The following PHIP variants were observed in gnomAD, a reference collection of about 807,000 sequenced individuals.
PHIP encodes PH-interacting protein.
In PHIP, 54 loss-of-function variants were observed where a neutral mutation model predicts 236.8. The observed-to-expected ratio is 0.23, with a 90% CI of 0.18 to 0.29. The LOEUF (loss-of-function observed/expected upper bound fraction) is 0.29, where lower values mean the gene tolerates loss of function less well. Among genes scored for constraint, PHIP ranks in the 10% least tolerant of loss-of-function variants. PHIP has a pLI of 1.00. For synonymous variants in PHIP, 756 were observed against 718.9 expected (o/e 1.05, Z -0.83); for missense variants, 1,370 against 2,190.8 (o/e 0.63, Z 7.48).
intron 24 of PHIP, among the ~76,000 whole-genome samples, chr6:78,974,696 C>T (rs1357015470): frequency 1.3e-5 from 2 of 151,978 alleles, no homozygotes; most frequent in African/African-American, 4.8e-5. Context: ...GGGATATCAC[C>T]ACCGATCCCA....
intron 8 of PHIP, 100 bp from the exon 9 acceptor site, chr6:79,025,719 G>A (rs1036790157): frequency 1.9e-5 from 15 of 805,026 alleles, no homozygotes; most frequent in Non-Finnish European, 2.9e-5. Context: ...ACAACAGTTA[G>A]AAAATGGCAA....
At chr6:79,016,151 C>T (rs988063054) in intron 13 of PHIP, among the ~76,000 whole-genome samples, 2 of 151,892 alleles carry the variant, frequency 1.3e-5, no homozygotes, top group African/African-American at 4.8e-5. Flanking sequence ...CACACAAATA[C>T]AAGTGGAGAA....
In PHIP at chr6:79,063,149, A is replaced by G. The variant is rs187966974; in HGVS notation, c.190-2331T>C. ...GTTCATAAGACTCATGCACTATACT[A>G]AAATTGCCAGTTTACTTGTCTGTGT... On this transcript the variant is annotated intron_variant, in intron 4 of 39. Coordinates refer to ENST00000275034, the MANE Select transcript of PHIP (RefSeq NM_017934.7). Among the ~76,000 whole-genome samples, 724 of 152,286 alleles carry G rather than the reference A, an allele frequency of 4.8e-3. 15 individuals are homozygous for G. Among genetic ancestry groups the G allele is most frequent in the Non-Finnish European group, 9.6e-4 (65 of 68,030 alleles).
chr6:79,014,595 T>C (rs1484332960), intron 15 of PHIP, among the ~76,000 whole-genome samples: 1 of 151,676 alleles, frequency 6.6e-6, no homozygotes, highest in Non-Finnish European at 1.5e-5. Context: ...AGAAACAAAA[T>C]GTGAAGAGAA....
intron 9 of PHIP, among the ~76,000 whole-genome samples, chr6:79,022,416 T>A (rs1771164190): frequency 6.6e-6 from 1 of 152,170 alleles, no homozygotes; most frequent in African/African-American, 2.4e-5. Context: ...GTTTCTGACA[T>A]TATACCTCTA....
rs901626060 is a variant in PHIP at position 78,958,657 on chromosome 6, A to G, written c.3657-57T>C. On this transcript the variant is annotated intron_variant, in intron 31 of 39. Transcript: ENST00000275034. ...TCCTTATATTTAGAAATATGTGTACATCATTTAAAACCAAGACATTCCAAC... is the reference window on the plus strand; with the variant it reads ...TCCTTATATTTAGAAATATGTGTACGTCATTTAAAACCAAGACATTCCAAC... The G allele has an allele frequency of 1.1e-5, 12 of 1,047,610 alleles. No individual in the cohort carries two copies. The African/African-American group carries it at 1.4e-4, about 13-fold the overall frequency. 64.9% of individuals were successfully genotyped at this position (1,047,610 alleles called of 1,614,324 possible).
chr6:79,056,687 T>G (rs944757328), intron 6 of PHIP, among the ~76,000 whole-genome samples: 22 of 152,132 alleles, frequency 1.4e-4, no homozygotes, highest in Admixed American at 1.4e-3. Context: ...AGGAATTATC[T>G]GGCCCAAAAT....
At chr6:78,942,962 C>T (rs566766430) in intron 39 of PHIP, among the ~76,000 whole-genome samples, 2 of 152,008 alleles carry the variant, frequency 1.3e-5, no homozygotes, top group African/African-American at 2.4e-5. Context: ...GTTTAAAAAC[C>T]ACTGATATTG....
Position 79,073,178 on chromosome 6 carries a change from A to AT in PHIP, c.189+4269_189+4270insA, listed in dbSNP as rs553449902. ...AATATAGTAAGTATTGCATTTAAAA[A>AT]GTTTGTAAATGCCTCAAATTTTAAA... On this transcript the variant is annotated intron_variant, in intron 4 of 39. Transcript: ENST00000275034. 6.4e-4 allele frequency among the ~76,000 whole-genome samples: 97 copies of AT among 152,346 alleles called. 1 individual carries two copies. In the South Asian group the frequency reaches 8.1e-3, roughly 13 times the overall value.
chr6:79,053,647 CG>C (rs1375618854), intron 6 of PHIP, among the ~76,000 whole-genome samples: 7 of 152,074 alleles, frequency 4.6e-5, no homozygotes, highest in African/African-American at 1.7e-4. Flanking sequence ...ACACTGAATA[CG>C]TAACTTTAAA....
rs1772348254 is a variant in PHIP at position 79,043,950 on chromosome 6, T to C, written c.440-947A>G. 2.0e-5 allele frequency among the ~76,000 whole-genome samples: 3 copies of C among 151,834 alleles called. No homozygotes were observed. In the South Asian group the frequency reaches 6.2e-4, roughly 32 times the overall value. On this transcript the variant is annotated intron_variant, in intron 6 of 39. Transcript: ENST00000275034. Reference sequence around the variant, plus strand: ...TATACAAAATACTACTTAGCCAAGGTACAGAGCCCAGTAATTATGCCCTAA... The same window carrying C: ...TATACAAAATACTACTTAGCCAAGGCACAGAGCCCAGTAATTATGCCCTAA...
intron 7 of PHIP, among the ~76,000 whole-genome samples, chr6:79,036,458 T>C (rs1011265349): frequency 6.6e-6 from 1 of 152,200 alleles, no homozygotes; most frequent in Non-Finnish European, 1.5e-5. Flanking sequence ...CTATTGCTTC[T>C]AAACAACCTC....
chr6:79,047,618 T>C (rs1443553684), intron 6 of PHIP, among the ~76,000 whole-genome samples: 4 of 152,132 alleles, frequency 2.6e-5, no homozygotes, highest in African/African-American at 9.7e-5. Flanking sequence ...AAACTTTAAT[T>C]TCTCCAGTTA....
chr6:79,014,586 G>C (rs896747133), intron 15 of PHIP, among the ~76,000 whole-genome samples: 1 of 151,560 alleles, frequency 6.6e-6, no homozygotes, highest in Non-Finnish European at 1.5e-5. Flanking sequence ...TAACATCTAA[G>C]AAACAAAATG....
At chr6:79,047,336 T>G (rs1008406474) in intron 6 of PHIP, among the ~76,000 whole-genome samples, 5 of 152,212 alleles carry the variant, frequency 3.3e-5, no homozygotes, top group African/African-American at 9.6e-5. Context: ...CATAAGTCAC[T>G]TCTTACTTCA....
chr6:78,999,991 T>A (rs916782272), intron 17 of PHIP, among the ~76,000 whole-genome samples: 2 of 151,990 alleles, frequency 1.3e-5, no homozygotes, highest in African/African-American at 2.4e-5. Context: ...AAAAACACAT[T>A]TAAAGTATGT....
At position 78,939,349 on chromosome 6, in the gene PHIP, G is replaced by C. The variant is rs1773383731; in HGVS notation, c.*1344C>G. 1.3e-5 allele frequency: 2 copies of C among 151,628 alleles called. No homozygotes were observed. The highest frequency in any genetic ancestry group is 4.1e-4 in the South Asian group (2 of 4,824). 9.4% of individuals were successfully genotyped at this position (151,628 alleles called of 1,614,324 possible). A position where few individuals can be genotyped will look rare whatever the true frequency, so the allele number is the denominator to read the frequency against. Reference sequence around the variant, plus strand: ...AGGGTGTATATTGACATACCAGCATGATAAGGATACCGTAAAAAGTGCAGA... The same window carrying C: ...AGGGTGTATATTGACATACCAGCATCATAAGGATACCGTAAAAAGTGCAGA... On this transcript the variant is annotated 3_prime_UTR_variant, in exon 40 of 40. Transcript: ENST00000275034.
chr6:78,948,468 AT>A (rs576242464), intron 35 of PHIP, among the ~76,000 whole-genome samples: 3 of 151,010 alleles, frequency 2.0e-5, no homozygotes, highest in Admixed American at 6.6e-5. Context: ...AGAATATGCT[AT>A]TTTTTTTTAG....
At chr6:78,955,477 AGTT>A (rs534952026) in intron 33 of PHIP, 133 bp downstream of exon 33, 57 of 551,304 alleles carry the variant, frequency 1.0e-4, no homozygotes, top group Middle Eastern at 8.7e-4. Flanking sequence ...TTCTACTGCC[AGTT>A]GTTTTTTTTT....
Sources: gnomAD v4.1 joint callset for allele counts (sites outside exome capture counted in the v4.1 genomes callset) on GRCh38, gnomAD v4.1.1 for gene constraint, MANE v1.5 for transcripts, NCBI Gene and HGNC (gene_info 2026-07-23, HGNC 2026-07-21) for gene names.